The following ZNF567 variants were observed in gnomAD, a reference collection of about 807,000 sequenced individuals.
The protein encoded by ZNF567 is zinc finger protein 567.
Under a neutral mutation model 53.9 loss-of-function variants are expected in ZNF567, and 36 were observed. The ratio of observed to expected loss-of-function variants is 0.67; its 90% CI spans 0.51 to 0.88. The LOEUF (loss-of-function observed/expected upper bound fraction) is 0.88. ZNF567 is among the 40% of genes least tolerant of loss of function. The probability of loss-of-function intolerance (pLI) is 0.00; values close to 1 mark genes in which losing one functional copy is unlikely to be tolerated. For missense variants in ZNF567, 619 were observed against 764.7 expected (o/e 0.81, Z 2.25); for synonymous variants, 224 against 260.4 (o/e 0.86, Z 1.35).
At chr19:36,682,815 G>T (rs1475563170), upstream of ZNF567, among the ~76,000 whole-genome samples, 1 of 151,374 alleles carries the variant, frequency 6.6e-6, no homozygotes, top group African/African-American at 2.4e-5. Flanking sequence ...CACCATGTTA[G>T]CCAGGATGGT....
At chr19:36,674,639 C>T in the ZNF567 span, among the ~76,000 whole-genome samples, 1 of 152,122 alleles carries the variant, frequency 6.6e-6, no homozygotes, top group Admixed American at 6.5e-5. Context: ...CTCTTCTTCC[C>T]TGGGCAGAAT....
chr19:36,670,790 T>G, the ZNF567 span, among the ~76,000 whole-genome samples: 2 of 152,156 alleles, frequency 1.3e-5, no homozygotes, highest in Non-Finnish European at 2.9e-5. Flanking sequence ...GGATCTCGAT[T>G]GCCTTTTCCT....
upstream of ZNF567, among the ~76,000 whole-genome samples, chr19:36,682,881 A>T (rs554428369): frequency 6.6e-6 from 1 of 152,116 alleles, no homozygotes; most frequent in Admixed American, 6.6e-5. Context: ...TGCTGGGATT[A>T]CAGGCGTGAG....
At chr19:36,708,003 C>A (rs76075090) in intron 3 of ZNF567, among the ~76,000 whole-genome samples, 2,038 of 152,248 alleles carry the variant, frequency 0.013, 51 homozygotes, top group African/African-American at 0.046. Flanking sequence ...TCAAGCGATC[C>A]CCCCACCTCA....
chr19:36,676,001 G>A, the ZNF567 span, among the ~76,000 whole-genome samples: 1 of 145,642 alleles, frequency 6.9e-6, no homozygotes, highest in Admixed American at 6.9e-5. Flanking sequence ...ATAACCTACT[G>A]TAGCCACTGT....
chr19:36,715,594 A>G (rs2040026518), intron 5 of ZNF567, among the ~76,000 whole-genome samples: 1 of 147,480 alleles, frequency 6.8e-6, no homozygotes, highest in African/African-American at 2.5e-5. Flanking sequence ...CAATGGCTCG[A>G]TCTCGACTCA....
Position 36,693,125 on chromosome 19 carries a change from C to CA in ZNF567, c.-66-1665dup, listed in dbSNP as rs796211227. Among the ~76,000 whole-genome samples the CA allele has an allele frequency of 7.8e-3, 1,107 of 142,014 alleles. 10 individuals carry two copies. The highest frequency in any genetic ancestry group is 0.026 in the African/African-American group (999 of 38,982). The allele number at this position is 142,014 out of a possible 152,430, so 93.2% of individuals were successfully genotyped here. ...CAACATAGTAAGACCCCATTTCTACCAAAAAAAAAAAAGTTAGCCGGTCTT... is the reference window on the plus strand; with the variant it reads ...CAACATAGTAAGACCCCATTTCTACCAAAAAAAAAAAAAGTTAGCCGGTCTT... On this transcript the variant is annotated intron_variant, in intron 2 of 5. Transcript: ENST00000682579.
chr19:36,669,016 GC>G, the ZNF567 span: 1 of 151,994 alleles, frequency 6.6e-6, no homozygotes, highest in Non-Finnish European at 1.5e-5. Context: ...TTGTCATTAT[GC>G]CCTAAAAAAT....
rs2040203272 is a variant in ZNF567, at chr19:36,719,260, C to G, written c.536C>G (p.Pro179Arg). Residue 179 changes from proline (P) to arginine (R), a missense_variant, in exon 6 of 6, where the codon CCT becomes CGT. Pro to Arg is a moderately radical substitution (Grantham distance 103). Coordinates refer to ENST00000682579, the MANE Select transcript of ZNF567 (RefSeq NM_001322917.1). Reference protein sequence around the residue: ...LLSTKQETTHPEVKSHNQSAR... With the variant: ...LLSTKQETTHREVKSHNQSAR... ...AGTACTAAACAAGAGACTACTCATC[C>G]TGAAGTCAAATCCCATAATCAAAGT... 1 of 1,613,950 alleles carries G rather than the reference C, an allele frequency of 6.2e-7. No individual in the cohort carries two copies. The highest frequency in any genetic ancestry group is 1.3e-5 in the African/African-American group (1 of 75,016).
At chr19:36,708,138 T>G (rs1449337780) in intron 3 of ZNF567, among the ~76,000 whole-genome samples, 1 of 151,990 alleles carries the variant, frequency 6.6e-6, no homozygotes, top group Non-Finnish European at 1.5e-5. Context: ...GATCTTCCTG[T>G]CTCAGCTTCC....
the ZNF567 span, among the ~76,000 whole-genome samples, chr19:36,680,403 T>C: frequency 6.6e-6 from 1 of 152,210 alleles, no homozygotes; most frequent in Non-Finnish European, 1.5e-5. Flanking sequence ...TTCTAATGGC[T>C]GTATTTTTTA....
downstream of ZNF567, among the ~76,000 whole-genome samples, chr19:36,724,464 A>G (rs546640956): frequency 4.6e-5 from 7 of 151,606 alleles, no homozygotes; most frequent in African/African-American, 9.7e-5. Context: ...AGTCTGATCA[A>G]TTGAGGTCAG....
intron 3 of ZNF567, among the ~76,000 whole-genome samples, chr19:36,699,826 A>G (rs2039080867): frequency 6.7e-6 from 1 of 149,442 alleles, no homozygotes; most frequent in African/African-American, 2.5e-5. Flanking sequence ...TTTTGGGCTG[A>G]GACAATGGGG....
chr19:36,706,679 T>G (rs1280286513), intron 3 of ZNF567, among the ~76,000 whole-genome samples: 2 of 124,120 alleles, frequency 1.6e-5, no homozygotes, highest in South Asian at 4.7e-4. Flanking sequence ...GTTTTTTTTT[T>G]TGTTTTTTTT....
the ZNF567 span, among the ~76,000 whole-genome samples, chr19:36,677,038 C>G: frequency 4.0e-5 from 6 of 151,050 alleles, no homozygotes; most frequent in African/African-American, 1.5e-4. Flanking sequence ...GCCTGTAATC[C>G]CAGCTACTTG....
At chr19:36,684,112 G>C (rs2145475992), upstream of ZNF567, among the ~76,000 whole-genome samples, 1 of 152,260 alleles carries the variant, frequency 6.6e-6, no homozygotes, top group Admixed American at 6.5e-5. Flanking sequence ...AAACAGAACA[G>C]TGCAGCCATT....
At chr19:36,713,515 T>C (rs1451010698) in intron 5 of ZNF567, among the ~76,000 whole-genome samples, 1 of 150,324 alleles carries the variant, frequency 6.7e-6, no homozygotes, top group African/African-American at 2.4e-5. Context: ...AAGGTTGAGG[T>C]AGGAGAATCA....
the ZNF567 span, among the ~76,000 whole-genome samples, chr19:36,676,970 A>G: frequency 2.0e-5 from 3 of 151,904 alleles, no homozygotes; most frequent in African/African-American, 4.8e-5. Flanking sequence ...AGCCTGACCA[A>G]CATGGAGAAA....
chr19:36,713,644 ACT>A (rs1242466968), intron 5 of ZNF567, among the ~76,000 whole-genome samples: 1 of 150,158 alleles, frequency 6.7e-6, no homozygotes, highest in East Asian at 2.0e-4. Context: ...TTTAAATATC[ACT>A]CTCTCCGGCT....
Sources: gnomAD v4.1 joint callset for allele counts (sites outside exome capture counted in the v4.1 genomes callset) on GRCh38, gnomAD v4.1.1 for gene constraint, MANE v1.5 for transcripts, NCBI Gene and HGNC (gene_info 2026-07-23, HGNC 2026-07-21) for gene names.